Variants in ADGRV1 observed in about 807,000 individuals in gnomAD.
The protein encoded by ADGRV1 is G-protein coupled receptor 98.
In ADGRV1, 359 loss-of-function variants were observed where a neutral mutation model predicts 596.2. The ratio of observed to expected loss-of-function variants is 0.60; its 90% CI spans 0.55 to 0.66. The LOEUF (loss-of-function observed/expected upper bound fraction) is 0.66. Ranked by LOEUF, ADGRV1 falls within the 30% of genes least tolerant of loss-of-function variation. The pLI, the probability that ADGRV1 is intolerant of heterozygous loss-of-function variation, is 0.00. For synonymous variants in ADGRV1, 2,681 were observed against 2,679.2 expected (o/e 1.00, Z -0.02); for missense variants, 7,274 against 7,575.6 (o/e 0.96, Z 1.48).
At position 90,879,410 on chromosome 5, in the gene ADGRV1, A is replaced by C. The variant is rs561861176; in HGVS notation, c.17856+15553A>C. On this transcript the variant is annotated intron_variant, in intron 83 of 89. Coordinates refer to ENST00000405460, the MANE Select transcript of ADGRV1 (RefSeq NM_032119.4). ...GAACAAGCAGTATTCATTCAAAAAA[A>C]CAGAAGGTAGGATGTTATGGAAGTA... is the stretch of plus-strand genomic sequence containing the variant. Among the ~76,000 whole-genome samples the C allele has an allele frequency of 1.6e-3, 240 of 152,288 alleles. 1 individual carries two copies. Among genetic ancestry groups the C allele is most frequent in the African/African-American group, 5.6e-3 (233 of 41,574 alleles).
chr5:90,791,414 T>G, intron 70 of ADGRV1, 68 bp downstream of exon 70: 1 of 1,144,574 alleles, frequency 8.7e-7, no homozygotes, highest in South Asian at 1.6e-5. Context: ...CATGCTTACC[T>G]CATAATCAGT....
intron 42 of ADGRV1, among the ~76,000 whole-genome samples, chr5:90,713,416 G>T (rs540816902): frequency 6.9e-6 from 1 of 145,552 alleles, no homozygotes; most frequent in Non-Finnish European, 1.5e-5. Context: ...TCATTTTCTT[G>T]TAGAACATAG....
rs367727420 is a variant in ADGRV1 at position 90,703,820 on chromosome 5, C to T, written c.8286+25C>T. 5.2e-6 allele frequency: 8 copies of T among 1,538,306 alleles called. No homozygotes were observed. In the African/African-American group the frequency reaches 6.9e-5, roughly 13 times the overall value. On this transcript the variant is annotated intron_variant, in intron 35 of 89. Transcript: ENST00000405460. ...GGTAATACTGCAAAGAAAAGTCGATCACAAATATCTAGAAAGAATGGTGTA... is the reference window on the plus strand; with the variant it reads ...GGTAATACTGCAAAGAAAAGTCGATTACAAATATCTAGAAAGAATGGTGTA...
At position 90,899,972 on chromosome 5, in the gene ADGRV1, C is replaced by T. The variant is rs115286195; in HGVS notation, c.17856+36115C>T. 3.3e-3 allele frequency among the ~76,000 whole-genome samples: 500 copies of T among 152,268 alleles called. 3 individuals are homozygous for T. The highest frequency in any genetic ancestry group is 0.012 in the African/African-American group (480 of 41,550). ...ATCCAGTTCTTTGAGAGAAATAATT[C>T]TTATTATAGATTTGTCTTAACCGAT... On this transcript the variant is annotated intron_variant, in intron 83 of 89. Transcript: ENST00000405460.
At chr5:90,862,370 A>G (rs1162724234) in intron 82 of ADGRV1, among the ~76,000 whole-genome samples, 2 of 152,084 alleles carry the variant, frequency 1.3e-5, no homozygotes, top group African/African-American at 4.8e-5. Flanking sequence ...ACACACACAC[A>G]CACACACAGA....
intron 9 of ADGRV1, chr5:90,630,446 ATAT>A (rs1765357124): frequency 1.3e-5 from 2 of 152,184 alleles, no homozygotes; most frequent in Admixed American, 6.5e-5. Flanking sequence ...GTTAACCAAA[ATAT>A]TATTTTTATG....
intron 48 of ADGRV1, among the ~76,000 whole-genome samples, chr5:90,727,127 G>A (rs1287629285): frequency 6.6e-6 from 1 of 151,934 alleles, no homozygotes; most frequent in East Asian, 1.9e-4. Context: ...TGGCTCTGTG[G>A]CCCAGGCTTG....
intron 84 of ADGRV1, among the ~76,000 whole-genome samples, chr5:90,976,604 C>T (rs1208164912): frequency 6.6e-6 from 1 of 151,964 alleles, no homozygotes; most frequent in African/African-American, 2.4e-5. Context: ...TTCATGTCTA[C>T]ATGAAACATG....
intron 70 of ADGRV1, chr5:90,792,105 A>G (rs1760143890): frequency 6.6e-6 from 1 of 152,252 alleles, no homozygotes; most frequent in African/African-American, 2.4e-5. Context: ...TCCAAGAAGT[A>G]GACAGATTGG....
chr5:91,031,225 C>CA (rs1173022659), intron 85 of ADGRV1: 1 of 1,589,200 alleles, frequency 6.3e-7, no homozygotes, highest in African/African-American at 1.3e-5. Context: ...CCATGTGGTT[C>CA]CTTCAAGGGG....
At chr5:90,587,790 C>G (rs1212171516) in intron 1 of ADGRV1, among the ~76,000 whole-genome samples, 1 of 152,094 alleles carries the variant, frequency 6.6e-6, no homozygotes, top group Non-Finnish European at 1.5e-5. Context: ...AAACTCCTGA[C>G]CTCAAGTGAT....
intron 85 of ADGRV1, among the ~76,000 whole-genome samples, chr5:91,028,029 T>C (rs576573607): frequency 1.3e-5 from 2 of 149,386 alleles, no homozygotes; most frequent in East Asian, 3.9e-4. Context: ...CCAGCTTTTT[T>C]TTTCTTTCTT....
intron 82 of ADGRV1, among the ~76,000 whole-genome samples, chr5:90,856,686 C>A (rs1210019096): frequency 1.3e-5 from 2 of 152,080 alleles, no homozygotes; most frequent in African/African-American, 2.4e-5. Context: ...TTAAAAAATG[C>A]AAACTTTGGA....
At chr5:90,856,001 G>A (rs1243818141) in intron 82 of ADGRV1, 100 bp downstream of exon 82, 71 of 944,706 alleles carry the variant, frequency 7.5e-5, no homozygotes, top group Non-Finnish European at 1.0e-4. Flanking sequence ...CAAACATACC[G>A]TAATTCATCA....
intron 52 of ADGRV1, among the ~76,000 whole-genome samples, chr5:90,747,312 C>T (rs1308970025): frequency 6.6e-6 from 1 of 152,148 alleles, no homozygotes; most frequent in Admixed American, 6.6e-5. Flanking sequence ...TGAGGTTCAA[C>T]AGGTGCAGGG....
Position 91,148,076 on chromosome 5 carries a change from G to T in ADGRV1, c.18433-1954G>T, listed in dbSNP as rs557135838. 1.2e-3 allele frequency among the ~76,000 whole-genome samples: 185 copies of T among 152,254 alleles called. 1 individual carries two copies. Among genetic ancestry groups the T allele is most frequent in the African/African-American group, 4.3e-3 (178 of 41,542 alleles). ...TTTTGAACTTGAGAGAGATAATTTA[G>T]GTTATCTGGCGGAAGAAATTTCTAA... On this transcript the variant is annotated intron_variant, in intron 87 of 89. Transcript: ENST00000405460.
chr5:90,914,129 G>T (rs760278365), intron 83 of ADGRV1, among the ~76,000 whole-genome samples: 1 of 152,032 alleles, frequency 6.6e-6, no homozygotes, highest in East Asian at 1.9e-4. Context: ...TTGGATGTGG[G>T]GTTTTTGCAC....
chr5:90,856,393 A>G (rs1767026421), intron 82 of ADGRV1, among the ~76,000 whole-genome samples: 2 of 152,216 alleles, frequency 1.3e-5, no homozygotes, highest in Non-Finnish European at 2.9e-5. Context: ...TAAAAAATAA[A>G]TCATCTTTCA....
intron 83 of ADGRV1, among the ~76,000 whole-genome samples, chr5:90,915,069 C>A (rs1773226133): frequency 6.6e-6 from 1 of 152,012 alleles, no homozygotes; most frequent in African/African-American, 2.4e-5. Context: ...TTATATTTTC[C>A]TTCAATTATT....
Sources: gnomAD v4.1 joint callset for allele counts (sites outside exome capture counted in the v4.1 genomes callset) on GRCh38, gnomAD v4.1.1 for gene constraint, MANE v1.5 for transcripts, NCBI Gene and HGNC (gene_info 2026-07-23, HGNC 2026-07-21) for gene names.